CERKL: variants seen among roughly 807,000 people sequenced by gnomAD.
The protein encoded by CERKL is ceramide kinase-like protein.
CERKL carries 61 observed loss-of-function variants against 63.4 expected under a neutral mutation model. The observed-to-expected ratio is 0.96, with a 90% confidence interval of 0.78 to 1.19. CERKL has a LOEUF of 1.19. Among genes scored for constraint, CERKL ranks in the 50% most tolerant of loss-of-function variants. CERKL has a pLI of 0.00. For missense variants in CERKL, 675 were observed against 655.5 expected (o/e 1.03, Z -0.33); for synonymous variants, 250 against 230.5 (o/e 1.08, Z -0.77).
intron 11 of CERKL, among the ~76,000 whole-genome samples, chr2:181,540,734 T>G (rs1372526026): frequency 6.6e-6 from 1 of 152,182 alleles, no homozygotes; most frequent in Admixed American, 6.6e-5. Context: ...AAGTGGGACT[T>G]TCGGGAGCCA....
Position 181,547,856 on chromosome 2 carries a change from A to C in CERKL, c.1134-9T>G. The C allele has an allele frequency of 6.2e-7, 1 of 1,613,956 alleles. No individual in the cohort carries two copies. The highest frequency in any genetic ancestry group is 8.5e-7 in the Non-Finnish European group (1 of 1,179,974). Reference sequence around the variant, plus strand: ...GAGATCCCTGTGCCCTCCTAAAAGAAAGAAAACAAAACAAAGACATAAAAC... The same window carrying C: ...GAGATCCCTGTGCCCTCCTAAAAGACAGAAAACAAAACAAAGACATAAAAC... On this transcript the variant is annotated splice_polypyrimidine_tract_variant and intron_variant, in intron 8 of 12. Coordinates refer to ENST00000410087, the MANE Select transcript of CERKL (RefSeq NM_201548.5).
chr2:181,577,541 A>C (rs954242150), intron 2 of CERKL, among the ~76,000 whole-genome samples: 1 of 152,218 alleles, frequency 6.6e-6, no homozygotes, highest in Non-Finnish European at 1.5e-5. Context: ...TGTCTCTATT[A>C]CAACAAGAAT....
chr2:181,573,232 AC>A (rs963379226), intron 3 of CERKL, among the ~76,000 whole-genome samples: 19 of 152,186 alleles, frequency 1.2e-4, no homozygotes, highest in Admixed American at 2.6e-4. Context: ...CTTGGCACAA[AC>A]CTAAGTACAT....
In CERKL at chr2:181,558,818, C is replaced by T. The variant is rs114440118; in HGVS notation, c.678-110G>A. On this transcript the variant is annotated intron_variant, in intron 4 of 12. Coordinates refer to ENST00000410087, the MANE Select transcript of CERKL (RefSeq NM_201548.5). This position sits in a 1 kb window ranked among gnomAD's most constrained non-coding sequence, Gnocchi z 4.2. Reference sequence around the variant, plus strand: ...ACTAATTTGTAGTCTATGTGCATAACTGCTCACATGTACCTTTAAACATGT... The same window carrying T: ...ACTAATTTGTAGTCTATGTGCATAATTGCTCACATGTACCTTTAAACATGT... 6.8e-3 allele frequency: 7,074 copies of T among 1,043,960 alleles called. 39 individuals are homozygous for T. The highest frequency in any genetic ancestry group is 9.0e-3 in the Non-Finnish European group (6,149 of 686,578). The allele number at this position is 1,043,960 out of a possible 1,614,324, so 64.7% of individuals were successfully genotyped here.
At position 181,572,780 on chromosome 2, in the gene CERKL, C is replaced by CTTTTTTTT. The variant is rs5836800; in HGVS notation, c.613+965_613+972dup. Among the ~76,000 whole-genome samples the CTTTTTTTT allele has an allele frequency of 6.3e-3, 822 of 130,980 alleles. 17 individuals carry two copies. Among genetic ancestry groups the CTTTTTTTT allele is most frequent in the Middle Eastern group, 0.025 (6 of 244 alleles). 85.9% of individuals were successfully genotyped at this position (130,980 alleles called of 152,430 possible). ...GGGGCTGACCTTCCTACAAAACTTG[C>CTTTTTTTT]TTTTTTTTTTTTTTTGAACTTTCTT... On this transcript the variant is annotated intron_variant, in intron 3 of 12. Transcript: ENST00000410087.
chr2:181,578,147 T>C (rs1480456304), intron 2 of CERKL, among the ~76,000 whole-genome samples: 1 of 152,074 alleles, frequency 6.6e-6, no homozygotes, highest in Non-Finnish European at 1.5e-5. Context: ...GATATCACTT[T>C]GAGAATCCTT....
chr2:181,627,225 TCAC>T (rs775377623), intron 1 of CERKL, among the ~76,000 whole-genome samples: 2 of 152,170 alleles, frequency 1.3e-5, no homozygotes, highest in Non-Finnish European at 2.9e-5. Flanking sequence ...ACGTGGACCT[TCAC>T]CAAGTTCTTA....
rs140435185 is a variant in CERKL at position 181,656,057 on chromosome 2, T to C, written c.238+712A>G. ...AAGTATTTGTTGTAAACTACAGCAT[T>C]ATAACTTTTTTAGGTAACTAAAATT... On this transcript the variant is annotated intron_variant, in intron 1 of 12. Transcript: ENST00000410087. Among the ~76,000 whole-genome samples the C allele has an allele frequency of 2.5e-3, 387 of 152,382 alleles. 1 individual carries two copies. The highest frequency in any genetic ancestry group is 3.9e-3 in the Non-Finnish European group (266 of 68,030).
rs200943772 is a variant in CERKL, at chr2:181,537,314, T to C, written c.*870A>G. On this transcript the variant is annotated 3_prime_UTR_variant, in exon 13 of 13. Coordinates refer to ENST00000410087, the MANE Select transcript of CERKL (RefSeq NM_201548.5). ...TATATTTCAGGTTATCTGAGCACAGTGAAAGCAGAGTACTATGGTTGTCCA... is the reference window on the plus strand; with the variant it reads ...TATATTTCAGGTTATCTGAGCACAGCGAAAGCAGAGTACTATGGTTGTCCA... The C allele has an allele frequency of 2.2e-6, 1 of 453,568 alleles. No homozygotes were observed. The highest frequency in any genetic ancestry group is 1.6e-5 in the South Asian group (1 of 64,470). 28.1% of individuals were successfully genotyped at this position (453,568 alleles called of 1,614,324 possible).
chr2:181,628,555 C>G (rs1686810943), intron 1 of CERKL, among the ~76,000 whole-genome samples: 1 of 152,102 alleles, frequency 6.6e-6, no homozygotes. Flanking sequence ...GCCTCAGTAT[C>G]AATACACATA....
chr2:181,570,748 T>A (rs560276075), intron 3 of CERKL, among the ~76,000 whole-genome samples: 3 of 152,312 alleles, frequency 2.0e-5, no homozygotes, highest in East Asian at 3.9e-4. Flanking sequence ...GATCCATTTT[T>A]AAAATAAATT....
intron 3 of CERKL, among the ~76,000 whole-genome samples, chr2:181,567,158 T>C (rs1688700036): frequency 6.6e-6 from 1 of 152,056 alleles, no homozygotes; most frequent in Admixed American, 6.6e-5. Context: ...GAATAAAACC[T>C]CTCTATATTA....
chr2:181,553,182 C>T (rs1688061526), intron 5 of CERKL, among the ~76,000 whole-genome samples: 1 of 152,146 alleles, frequency 6.6e-6, no homozygotes, highest in African/African-American at 2.4e-5. Context: ...AAACCTGTTA[C>T]TCAGTGGATC....
chr2:181,563,528 G>A (rs1483855099), intron 4 of CERKL, among the ~76,000 whole-genome samples: 1 of 151,416 alleles, frequency 6.6e-6, no homozygotes, highest in Non-Finnish European at 1.5e-5. Context: ...GTGTCAGACG[G>A]AGGTGCTTCA....
intron 1 of CERKL, among the ~76,000 whole-genome samples, chr2:181,641,324 TATATATATATATATATATATAC>T (rs1258642358): frequency 1.7e-4 from 19 of 108,714 alleles, no homozygotes; most frequent in Non-Finnish European, 2.9e-4. Context: ...TATATATATA[TATATATATATATATATATATAC>T]ATATATATAC....
chr2:181,538,315 ACAATGC>A (rs1322587113), intron 12 of CERKL, 71 bp from the exon 13 acceptor site: 14 of 863,008 alleles, frequency 1.6e-5, no homozygotes, highest in Non-Finnish European at 2.1e-5. Flanking sequence ...AGTATGGTAC[ACAATGC>A]CAATGCCAAA....
At chr2:181,582,912 A>C (rs1684591007) in intron 2 of CERKL, among the ~76,000 whole-genome samples, 1 of 152,070 alleles carries the variant, frequency 6.6e-6, no homozygotes, top group Admixed American at 6.6e-5. Context: ...TGACTTTCCC[A>C]CCAAACCTAG....
At chr2:181,569,794 C>A (rs1688823689) in intron 3 of CERKL, among the ~76,000 whole-genome samples, 1 of 152,170 alleles carries the variant, frequency 6.6e-6, no homozygotes, top group Non-Finnish European at 1.5e-5. Flanking sequence ...ATCTCAATGA[C>A]TCCTATACAA....
At chr2:181,580,952 T>C (rs1390218036) in intron 2 of CERKL, among the ~76,000 whole-genome samples, 2 of 152,180 alleles carry the variant, frequency 1.3e-5, no homozygotes, top group Non-Finnish European at 2.9e-5. Flanking sequence ...TTAGATTTCC[T>C]ATGTCTTCTG....
Sources: gnomAD v4.1 joint callset for allele counts (sites outside exome capture counted in the v4.1 genomes callset) on GRCh38, gnomAD v4.1.1 for gene constraint, Gnocchi (gnomAD v3.1) non-coding constraint, MANE v1.5 for transcripts, NCBI Gene and HGNC (gene_info 2026-07-23, HGNC 2026-07-21) for gene names.